ACO1: variants seen among roughly 807,000 people sequenced by gnomAD.
ACO1 encodes the protein cytoplasmic aconitate hydratase.
A neutral mutation model predicts 105.1 loss-of-function variants in ACO1; 78 were observed. The ratio of observed to expected loss-of-function variants is 0.74; its 90% CI spans 0.62 to 0.90. The LOEUF is 0.90. ACO1 is among the 40% of genes least tolerant of loss of function. The pLI is 0.00. For synonymous variants in ACO1, 364 were observed against 397.4 expected (o/e 0.92, Z 1.00); for missense variants, 965 against 1,111.1 (o/e 0.87, Z 1.87).
At chr9:32,446,313 C>G (rs908452900) in intron 19 of ACO1, among the ~76,000 whole-genome samples, 2 of 152,194 alleles carry the variant, frequency 1.3e-5, no homozygotes, top group African/African-American at 4.8e-5. Context: ...GTTAGCTCTT[C>G]TTGTTGCATT....
At position 32,436,276 on chromosome 9, in the gene ACO1, A is replaced by C. The variant is rs759325876; in HGVS notation, c.2126A>C (p.Tyr709Ser). 6 of 1,614,108 alleles carry C rather than the reference A, an allele frequency of 3.7e-6. No individual in the cohort carries two copies. In the South Asian group the frequency reaches 6.6e-5, roughly 18 times the overall value. ...CTAACTCCACGAGAATTCAACTCCT[A>C]TGGCTCCCGCCGAGGTAATGACGCC... ...RGLTPREFNSYGSRRGNDAVM... is the reference protein window; with the variant it reads ...RGLTPREFNSSGSRRGNDAVM... The change falls in exon 18 of 21, where the codon TAT becomes TCT. Residue 709 changes from tyrosine (Y) to serine (S), a missense_variant. Physicochemically the swap from Tyr to Ser is moderately radical, Grantham distance 144. Transcript: ENST00000309951.
chr9:32,392,021 T>G (rs1205819369), intron 1 of ACO1, among the ~76,000 whole-genome samples: 1 of 152,200 alleles, frequency 6.6e-6, no homozygotes, highest in Non-Finnish European at 1.5e-5. Flanking sequence ...CATCAACCCA[T>G]TCTTTAAAAG....
Position 32,450,319 on chromosome 9 carries a change from C to T in ACO1, c.*208C>T. 1 of 649,886 alleles carries T rather than the reference C, an allele frequency of 1.5e-6. No homozygotes were observed. The highest frequency in any genetic ancestry group is 1.8e-5 in the African/African-American group (1 of 55,524). The allele number at this position is 649,886 out of a possible 1,614,324, so 40.3% of individuals were successfully genotyped here. A position where few individuals can be genotyped will look rare whatever the true frequency, so the allele number is the denominator to read the frequency against. ...TTTTGTTAATCATCTTCTCTTTTTC[C>T]AGAATTTGGAAGCTAGAATGGTGGG... is the stretch of plus-strand genomic sequence containing the variant. On this transcript the variant is annotated 3_prime_UTR_variant, in exon 21 of 21. Coordinates refer to ENST00000309951, the MANE Select transcript of ACO1 (RefSeq NM_002197.3).
chr9:32,436,515 T>A, intron 18 of ACO1, 118 bp downstream of exon 18: 1 of 1,157,536 alleles, frequency 8.6e-7, no homozygotes, highest in Non-Finnish European at 1.3e-6. Flanking sequence ...CATCCTACCC[T>A]AACTACAGTC....
At chr9:32,407,186 T>C (rs1036935059) in intron 2 of ACO1, 75 bp from the exon 3 acceptor site, 15 of 1,377,854 alleles carry the variant, frequency 1.1e-5, no homozygotes, top group Middle Eastern at 1.8e-4. Flanking sequence ...ATCAACTTTA[T>C]ATAGAGATTG....
intron 2 of ACO1, 40 bp downstream of exon 2, chr9:32,405,643 C>A: frequency 7.2e-7 from 1 of 1,379,596 alleles, no homozygotes; most frequent in Non-Finnish European, 1.0e-6. Context: ...ATCTCATTTG[C>A]ACAATGATTA....
intron 10 of ACO1, among the ~76,000 whole-genome samples, chr9:32,425,631 G>A (rs1822072810): frequency 6.6e-6 from 1 of 152,126 alleles, no homozygotes; most frequent in South Asian, 2.1e-4. Flanking sequence ...GATTTCAAAC[G>A]AGTAATTTTT....
Position 32,424,667 on chromosome 9 carries a change from T to A in ACO1, c.1188+2T>A, listed in dbSNP as rs770099296. 18 of 1,608,900 alleles carry A rather than the reference T, an allele frequency of 1.1e-5. No individual in the cohort carries two copies. The highest frequency in any genetic ancestry group is 1.5e-5 in the Non-Finnish European group (18 of 1,176,026). ...TTTGAGAGCTGCCTTGGAGCCAAGG[T>A]AGGGGCCTGCGGGAAGAGGTTGAAT... is the stretch of plus-strand genomic sequence containing the variant. On this transcript the variant is annotated splice_donor_variant, in intron 10 of 20. Coordinates refer to ENST00000309951, the MANE Select transcript of ACO1 (RefSeq NM_002197.3). LOFTEE classifies it high-confidence loss of function.
Position 32,448,916 on chromosome 9 carries a change from C to T in ACO1, c.2391C>T (p.Ala797=), listed in dbSNP as rs776083510. 6.2e-6 allele frequency: 10 copies of T among 1,614,182 alleles called. No individual in the cohort carries two copies. The highest frequency in any genetic ancestry group is 2.2e-5 in the East Asian group (1 of 44,884). The change falls in exon 20 of 21, where the codon GCC becomes GCT. Residue 797 remains alanine (A), a synonymous_variant. Coordinates refer to ENST00000309951, the MANE Select transcript of ACO1 (RefSeq NM_002197.3). ...ATCAGGGAATCAAAGCCGTCCTGGC[C>T]GAGAGCTACGAGCGCATTCACCGCA... ...PFLLGIKAVL[A]ESYERIHRSN...
rs1338965407 is a variant in ACO1, at chr9:32,430,449, G to A, written c.1601G>A (p.Gly534Glu). Residue 534 changes from glycine (G) to glutamate (E), a missense_variant, in exon 14 of 21, where the codon GGA becomes GAA. Gly to Glu is a moderately conservative substitution (Grantham distance 98). Transcript: ENST00000309951. ...GDLVAVGVLS[G>E]NRNFEGRVHP... ...CTTGTAGCTGTTGGAGTACTATCTG[G>A]AAACAGGAATTTTGAAGGTCGAGTT... is the stretch of plus-strand genomic sequence containing the variant. The A allele has an allele frequency of 1.2e-6, 2 of 1,612,218 alleles. No homozygotes were observed. Among genetic ancestry groups the A allele is most frequent in the African/African-American group, 1.3e-5 (1 of 74,846 alleles).
At position 32,454,569 on chromosome 9, in the gene ACO1, A is replaced by T. The variant is rs1176270619; in HGVS notation, c.*4458A>T. 9 of 152,132 alleles carry T rather than the reference A, an allele frequency of 5.9e-5. No homozygotes were observed. The highest frequency in any genetic ancestry group is 1.9e-4 in the African/African-American group (8 of 41,422). 9.4% of individuals were successfully genotyped at this position (152,132 alleles called of 1,614,324 possible). A position where few individuals can be genotyped will look rare whatever the true frequency, so the allele number is the denominator to read the frequency against. On this transcript the variant is annotated 3_prime_UTR_variant, in exon 21 of 21. Transcript: ENST00000309951. Reference sequence around the variant, plus strand: ...TAATGGGGCTGGGCATGTGTCCATGAAAAAGACTCCCCAGTTGTTTCTAAA... The same window carrying T: ...TAATGGGGCTGGGCATGTGTCCATGTAAAAGACTCCCCAGTTGTTTCTAAA...
rs375188631 is a variant in ACO1 at position 32,447,631 on chromosome 9, T to TA, written c.2371-1265_2371-1264insA. On this transcript the variant is annotated intron_variant, in intron 19 of 20. Coordinates refer to ENST00000309951, the MANE Select transcript of ACO1 (RefSeq NM_002197.3). ...TTGATGGTGAGGAGTTGTGATCCTT[T>TA]GGAGGAGAAGAGCCATTCTGGTTTT... 4.0e-3 allele frequency among the ~76,000 whole-genome samples: 608 copies of TA among 152,346 alleles called. 4 individuals are homozygous for TA. The highest frequency in any genetic ancestry group is 0.014 in the African/African-American group (568 of 41,584).
At chr9:32,391,495 T>C (rs1308220635) in intron 1 of ACO1, among the ~76,000 whole-genome samples, 2 of 152,220 alleles carry the variant, frequency 1.3e-5, no homozygotes, top group African/African-American at 4.8e-5. Flanking sequence ...GTGTCAAAAA[T>C]TAATCCACCT....
chr9:32,433,761 C>T lies in ACO1; in HGVS notation c.1885C>T (p.Pro629Ser). Residue 629 changes from proline (P) to serine (S), a missense_variant, in exon 16 of 21, where the codon CCA (proline) becomes TCA (serine). Physicochemically the swap from Pro to Ser is moderately conservative, Grantham distance 74. Transcript: ENST00000309951. ...TGAAAGCTGGAATGCCTTAGCAACC[C>T]CATCAGATAAGCTGTTTTTCTGGAA... is the stretch of plus-strand genomic sequence containing the variant. ...VNESWNALAT[P>S]SDKLFFWNSK... 6.2e-7 allele frequency: 1 copy of T among 1,612,616 alleles called. No individual in the cohort carries two copies. Among genetic ancestry groups the T allele is most frequent in the Non-Finnish European group, 8.5e-7 (1 of 1,179,686 alleles).
chr9:32,404,828 GT>G (rs1251436908), intron 1 of ACO1, among the ~76,000 whole-genome samples: 1 of 152,216 alleles, frequency 6.6e-6, no homozygotes, highest in Non-Finnish European at 1.5e-5. Context: ...CAAGCTGAAC[GT>G]GTGTCAGAAT....
chr9:32,415,750 A>G (rs1248506531), intron 4 of ACO1, among the ~76,000 whole-genome samples: 1 of 152,146 alleles, frequency 6.6e-6, no homozygotes, highest in Non-Finnish European at 1.5e-5. Flanking sequence ...CTCTTCTCGA[A>G]CATGTACACA....
chr9:32,423,347 TAAA>T lies in ACO1; in HGVS notation c.1003_1005del (p.Lys335del). On this transcript the variant is annotated inframe_deletion, in exon 9 of 21. Coordinates refer to ENST00000309951, the MANE Select transcript of ACO1 (RefSeq NM_002197.3). ...GTGATGAAGAAAAATTAAAGTATATTAAAAAATATCTTCAGGCTGTAGGAATGT... is the reference window on the plus strand; with the variant it reads ...GTGATGAAGAAAAATTAAAGTATATTAAATATCTTCAGGCTGTAGGAATGT... 1 of 1,596,586 alleles carries T rather than the reference TAAA, an allele frequency of 6.3e-7. No individual in the cohort carries two copies. Among genetic ancestry groups the T allele is most frequent in the Non-Finnish European group, 8.5e-7 (1 of 1,174,636 alleles).
chr9:32,399,966 G>GTTTTTTTTTTTTTTTTTTTTTTTTTTTTT (rs57615512), intron 1 of ACO1, among the ~76,000 whole-genome samples: 1 of 69,844 alleles, frequency 1.4e-5, no homozygotes, highest in Non-Finnish European at 2.5e-5. Flanking sequence ...TTCTTTTTCT[G>GTTTTTTTTTTTTTTTTTTTTTTTTTTTTT]TTTTTTTTTT....
intron 9 of ACO1, 59 bp downstream of exon 9, chr9:32,423,478 T>G (rs1168961645): frequency 3.4e-6 from 4 of 1,192,138 alleles, no homozygotes; most frequent in Non-Finnish European, 3.6e-6. Context: ...GCGATTTTAG[T>G]GGTGGTTTTT....
Sources: allele counts gnomAD v4.1 joint callset (sites outside exome capture counted in the v4.1 genomes callset), GRCh38; gene constraint gnomAD v4.1.1; transcripts MANE v1.5; gene names NCBI Gene and HGNC (gene_info 2026-07-23, HGNC 2026-07-21).